The following NELL1 variants were observed in gnomAD, a reference collection of about 807,000 sequenced individuals.
NELL1 encodes the protein protein kinase C-binding protein NELL1.
A neutral mutation model predicts 107.4 loss-of-function variants in NELL1; 76 were observed. The observed-to-expected ratio is 0.71, with a 90% CI of 0.59 to 0.86. The LOEUF is 0.86. Ranked by LOEUF, NELL1 falls within the 40% of genes least tolerant of loss-of-function variation. The pLI, the probability that NELL1 is intolerant of heterozygous loss-of-function variation, is 0.00. For missense variants in NELL1, 1,024 were observed against 1,005.5 expected, an observed-to-expected ratio of 1.02 and a Z score of -0.25; for synonymous variants, 353 against 341.2, an observed-to-expected ratio of 1.03 and a Z score of -0.38.
chr11:21,206,095 A>G (rs917753889), intron 13 of NELL1, among the ~76,000 whole-genome samples: 3 of 152,032 alleles, frequency 2.0e-5, no homozygotes, highest in Non-Finnish European at 4.4e-5. Flanking sequence ...ATTGTCATAC[A>G]CTCCATGGCT....
At chr11:20,671,307 C>A (rs1290925626) in intron 1 of NELL1, 2 of 152,224 alleles carry the variant, frequency 1.3e-5, no homozygotes. Context: ...AGAGCGTGGG[C>A]TACTGGCTCT....
At chr11:21,537,469 T>C (rs1295074567) in intron 16 of NELL1, among the ~76,000 whole-genome samples, 1 of 152,146 alleles carries the variant, frequency 6.6e-6, no homozygotes, top group Non-Finnish European at 1.5e-5. Context: ...ACACCTCTCT[T>C]GTTGTATGGC....
At chr11:21,397,555 T>C (rs1464991254) in intron 15 of NELL1, among the ~76,000 whole-genome samples, 1 of 151,718 alleles carries the variant, frequency 6.6e-6, no homozygotes, top group Non-Finnish European at 1.5e-5. Flanking sequence ...TTTTAAGTCA[T>C]ATAAAACACA....
chr11:21,564,770 T>C (rs1202795855), intron 17 of NELL1, among the ~76,000 whole-genome samples: 2 of 151,994 alleles, frequency 1.3e-5, no homozygotes, highest in Middle Eastern at 3.4e-3. Context: ...TTCCATGTTA[T>C]AATAAAGTCA....
intron 12 of NELL1, among the ~76,000 whole-genome samples, chr11:21,055,399 T>G (rs1231056421): frequency 6.6e-6 from 1 of 152,144 alleles, no homozygotes; most frequent in Admixed American, 6.6e-5. Flanking sequence ...ATTAGATTTA[T>G]AAATAGTTTT....
chr11:20,772,902 G>A (rs770991326), intron 2 of NELL1, among the ~76,000 whole-genome samples: 8 of 152,188 alleles, frequency 5.3e-5, no homozygotes, highest in Admixed American at 3.3e-4. Context: ...AGATAGCAAT[G>A]CTGACACCAC....
chr11:21,254,849 G>A (rs1590776698), intron 14 of NELL1, among the ~76,000 whole-genome samples: 1 of 152,246 alleles, frequency 6.6e-6, no homozygotes, highest in East Asian at 1.9e-4. Flanking sequence ...AGGGGATACA[G>A]TGTGGTTGCA....
intron 5 of NELL1, 81 bp downstream of exon 5, chr11:20,885,621 A>G: frequency 1.1e-6 from 1 of 870,744 alleles, no homozygotes. Flanking sequence ...AGCCGTGTTT[A>G]TAATTACATT....
intron 16 of NELL1, among the ~76,000 whole-genome samples, chr11:21,545,252 T>A (rs1269452005): frequency 9.4e-6 from 1 of 106,724 alleles, no homozygotes; most frequent in Non-Finnish European, 2.2e-5. Flanking sequence ...CTTTCCACTC[T>A]GATAAACTAA....
At chr11:21,186,196 C>T (rs1856931852) in intron 13 of NELL1, among the ~76,000 whole-genome samples, 1 of 151,804 alleles carries the variant, frequency 6.6e-6, no homozygotes. Flanking sequence ...TTTTACTGGA[C>T]ATGTTAAAAG....
chr11:20,783,136 C>G (rs1156526406), intron 2 of NELL1, among the ~76,000 whole-genome samples: 1 of 152,164 alleles, frequency 6.6e-6, no homozygotes, highest in Non-Finnish European at 1.5e-5. Context: ...TAAATATCTG[C>G]TAGGTACAAA....
chr11:20,699,607 C>T (rs1334453620), intron 2 of NELL1, among the ~76,000 whole-genome samples: 1 of 152,162 alleles, frequency 6.6e-6, no homozygotes, highest in African/African-American at 2.4e-5. Flanking sequence ...ATCTGCCCAC[C>T]TTGGCCTCCC....
At chr11:20,862,263 T>C (rs1564938516) in intron 4 of NELL1, among the ~76,000 whole-genome samples, 1 of 151,378 alleles carries the variant, frequency 6.6e-6, no homozygotes, top group Non-Finnish European at 1.5e-5. Context: ...CAGAAGCTAA[T>C]ACCAGTATCT....
chr11:20,786,292 G>A (rs1260181494), intron 3 of NELL1, among the ~76,000 whole-genome samples: 1 of 149,922 alleles, frequency 6.7e-6, no homozygotes, highest in Non-Finnish European at 1.5e-5. Context: ...TGAGGTTGCA[G>A]TGAGCCAAGA....
rs774942578 is a variant in NELL1, at chr11:20,889,761, G to T, written c.603+4221G>T. On this transcript the variant is annotated intron_variant, in intron 5 of 19. Transcript: ENST00000357134. ...CAGTGCGGTGCGACGGCCCATCTGA[G>T]AGCCACACGGGAAAGGGGAGCCCCC... 2.6e-5 allele frequency among the ~76,000 whole-genome samples: 4 copies of T among 152,186 alleles called. No homozygotes were observed. The South Asian group carries it at 8.3e-4, about 32-fold the overall frequency.
intron 2 of NELL1, among the ~76,000 whole-genome samples, chr11:20,684,406 G>A (rs888306489): frequency 6.6e-6 from 1 of 152,014 alleles, no homozygotes; most frequent in African/African-American, 2.4e-5. Flanking sequence ...ATCACTTAGT[G>A]TATTTTTTAC....
chr11:20,885,512 A>C lies in NELL1; in HGVS notation c.575A>C (p.Gln192Pro). 1.9e-6 allele frequency: 3 copies of C among 1,612,458 alleles called. No homozygotes were observed. The highest frequency in any genetic ancestry group is 2.5e-6 in the Non-Finnish European group (3 of 1,178,464). The change falls in exon 5 of 20, where the codon CAG (glutamine) becomes CCG (proline). Residue 192 changes from glutamine (Q) to proline (P), a missense_variant. Gln to Pro is a moderately conservative substitution (Grantham distance 76). Coordinates refer to ENST00000357134, the MANE Select transcript of NELL1 (RefSeq NM_006157.5). Reference sequence around the variant, plus strand: ...CCAGGAATCAATTTATGGCTTGGCCAGCGCAACCAAAAGCATGGCTTATTC... The same window carrying C: ...CCAGGAATCAATTTATGGCTTGGCCCGCGCAACCAAAAGCATGGCTTATTC... ...LPPGINLWLG[Q>P]RNQKHGLFKG...
At chr11:21,447,862 C>T (rs1590939769) in intron 15 of NELL1, among the ~76,000 whole-genome samples, 1 of 152,108 alleles carries the variant, frequency 6.6e-6, no homozygotes, top group African/African-American at 2.4e-5. Context: ...TATTTAGGAC[C>T]CCAGAGCACT....
chr11:21,450,995 C>A (rs1035320025), intron 15 of NELL1, among the ~76,000 whole-genome samples: 3 of 151,778 alleles, frequency 2.0e-5, no homozygotes, highest in Admixed American at 6.6e-5. Flanking sequence ...TGGAGACCAT[C>A]CTGGCTAACA....
Sources: gnomAD v4.1 joint callset for allele counts (sites outside exome capture counted in the v4.1 genomes callset) on GRCh38, gnomAD v4.1.1 for gene constraint, MANE v1.5 for transcripts, NCBI Gene and HGNC (gene_info 2026-07-23, HGNC 2026-07-21) for gene names.